ATP9A: variants seen among roughly 807,000 people sequenced by gnomAD.
ATP9A encodes the protein ATPase phospholipid transporting 9A, also known as probable phospholipid-transporting ATPase IIA.
Under a neutral mutation model 144.1 loss-of-function variants are expected in ATP9A, and 52 were observed. That is an observed-to-expected ratio of 0.36 (90% CI 0.29 to 0.45). The LOEUF is 0.45. Among genes scored for constraint, ATP9A ranks in the 20% least tolerant of loss-of-function variants. ATP9A has a pLI of 1.00. For synonymous variants in ATP9A, 582 were observed against 557.4 expected (o/e 1.04, Z -0.62); for missense variants, 947 against 1,392.7 (o/e 0.68, Z 5.09).
chr20:51,727,790 A>T (rs2077721686), intron 2 of ATP9A, among the ~76,000 whole-genome samples: 1 of 151,432 alleles, frequency 6.6e-6, no homozygotes, highest in Non-Finnish European at 1.5e-5. Context: ...AAGTAGCCGG[A>T]CATGGGAGCA....
intron 3 of ATP9A, among the ~76,000 whole-genome samples, chr20:51,723,230 T>C (rs1353117059): frequency 6.6e-6 from 1 of 151,926 alleles, no homozygotes; most frequent in Non-Finnish European, 1.5e-5. Flanking sequence ...AATGATGCAA[T>C]GGACTTTGGG....
intron 9 of ATP9A, among the ~76,000 whole-genome samples, chr20:51,678,684 C>A (rs977161025): frequency 6.6e-6 from 1 of 152,194 alleles, no homozygotes; most frequent in African/African-American, 2.4e-5. Context: ...ACCACACGAC[C>A]GCTGCATCCA....
intron 18 of ATP9A, 75 bp downstream of exon 18, chr20:51,625,115 CCT>C (rs1197124228): frequency 3.5e-5 from 51 of 1,444,368 alleles, no homozygotes; most frequent in Non-Finnish European, 4.4e-5. Context: ...ACCCTTTCCC[CCT>C]GTGATCTCCC....
chr20:51,659,769 T>C (rs754898539), intron 13 of ATP9A, among the ~76,000 whole-genome samples: 3 of 152,238 alleles, frequency 2.0e-5, no homozygotes, highest in Admixed American at 6.5e-5. Context: ...ACTTAATTTT[T>C]TAATACTATT....
chr20:51,754,593 C>T (rs2077847875), intron 1 of ATP9A, among the ~76,000 whole-genome samples: 1 of 151,570 alleles, frequency 6.6e-6, no homozygotes, highest in Admixed American at 6.6e-5. Context: ...GTGGACAAAT[C>T]ACCTGAGGTC....
intron 4 of ATP9A, among the ~76,000 whole-genome samples, chr20:51,702,850 A>G (rs2077599965): frequency 6.6e-6 from 1 of 152,228 alleles, no homozygotes; most frequent in Non-Finnish European, 1.5e-5. Context: ...GTAACAGCAG[A>G]AAGAAAAAAT....
chr20:51,671,077 C>A (rs2077453607), intron 12 of ATP9A, 38 bp downstream of exon 12: 1 of 1,601,284 alleles, frequency 6.2e-7, no homozygotes, highest in Non-Finnish European at 8.6e-7. Context: ...CATCTTCTCT[C>A]ACCAGGAATC....
At chr20:51,601,780 C>A (rs923107219) in intron 27 of ATP9A, among the ~76,000 whole-genome samples, 4 of 152,222 alleles carry the variant, frequency 2.6e-5, no homozygotes, top group African/African-American at 9.6e-5. Context: ...GTGGTACATG[C>A]CTATAGTCCC....
At chr20:51,691,067 C>A (rs1234774690) in intron 7 of ATP9A, among the ~76,000 whole-genome samples, 1 of 152,190 alleles carries the variant, frequency 6.6e-6, no homozygotes, top group African/African-American at 2.4e-5. Flanking sequence ...TTACTCAGCC[C>A]TTTCCAGACT....
intron 9 of ATP9A, among the ~76,000 whole-genome samples, chr20:51,680,466 G>A (rs2077495586): frequency 6.6e-6 from 1 of 152,066 alleles, no homozygotes; most frequent in Non-Finnish European, 1.5e-5. Flanking sequence ...TCTCTGCCAA[G>A]CTCCTGGTCC....
In ATP9A at chr20:51,725,860, C is replaced by A; in HGVS notation, c.286G>T (p.Glu96Ter). The A allele has an allele frequency of 2.5e-6, 4 of 1,613,502 alleles. No homozygotes were observed. Among genetic ancestry groups the A allele is most frequent in the Non-Finnish European group, 3.4e-6 (4 of 1,179,492 alleles). The change falls in exon 3 of 28, where the codon GAA becomes TAA. Residue 96 changes from glutamate to a stop codon, truncating the protein, a stop_gained. Transcript: ENST00000338821. LOFTEE classifies it high-confidence loss of function. ...GTATAGAGTGCACCAAGTCTCATTT[C>A]GGGAACAAACTGAGAGCAGGCAAGA... ...LLLACSQFVP[E>*]MRLGALYTYW...
rs375879620 is a variant in ATP9A at position 51,601,362 on chromosome 20, G to A, written c.3008-15C>T. 268 of 1,600,374 alleles carry A rather than the reference G, an allele frequency of 1.7e-4. No individual in the cohort carries two copies. The highest frequency in any genetic ancestry group is 2.2e-4 in the Non-Finnish European group (261 of 1,173,138). ...GAAGTACACATCTGCAAGGAAAGGGGAAGACGGCAGTGAGCAGGCAGGAAT... is the reference window on the plus strand; with the variant it reads ...GAAGTACACATCTGCAAGGAAAGGGAAAGACGGCAGTGAGCAGGCAGGAAT... On this transcript the variant is annotated splice_polypyrimidine_tract_variant and intron_variant, in intron 27 of 27. Coordinates refer to ENST00000338821, the MANE Select transcript of ATP9A (RefSeq NM_006045.3).
chr20:51,622,840 TC>T (rs2077232331), intron 18 of ATP9A, among the ~76,000 whole-genome samples: 1 of 152,142 alleles, frequency 6.6e-6, no homozygotes, highest in Non-Finnish European at 1.5e-5. Context: ...CCTTTTGTTC[TC>T]TTTGCTCCCA....
At chr20:51,657,229 ATTG>A in intron 13 of ATP9A, 79 bp from the exon 14 acceptor site, 10 of 1,234,992 alleles carry the variant, frequency 8.1e-6, no homozygotes, top group Middle Eastern at 1.9e-4. Flanking sequence ...CCGTGCAGCT[ATTG>A]TTTCTTTTTT....
At chr20:51,756,440 G>A (rs915844032) in intron 1 of ATP9A, among the ~76,000 whole-genome samples, 3 of 151,900 alleles carry the variant, frequency 2.0e-5, no homozygotes, top group East Asian at 3.9e-4. Flanking sequence ...ACAGGTGCAC[G>A]CCACCACACC....
intron 4 of ATP9A, among the ~76,000 whole-genome samples, chr20:51,712,276 A>T (rs533682760): frequency 6.6e-6 from 1 of 151,994 alleles, no homozygotes; most frequent in South Asian, 2.1e-4. Context: ...GGGTTTCACC[A>T]TGTTAGCCAG....
At chr20:51,655,682 G>A (rs914990003) in intron 14 of ATP9A, among the ~76,000 whole-genome samples, 2 of 152,090 alleles carry the variant, frequency 1.3e-5, no homozygotes, top group Non-Finnish European at 2.9e-5. Flanking sequence ...GTTGCTGGTA[G>A]ATACGTAAAA....
intron 17 of ATP9A, among the ~76,000 whole-genome samples, chr20:51,626,130 T>A (rs940697463): frequency 1.3e-5 from 2 of 152,094 alleles, no homozygotes; most frequent in African/African-American, 4.8e-5. Flanking sequence ...ACACACAATC[T>A]ATGGGATGGG....
chr20:51,647,029 G>GA (rs1568801534), intron 14 of ATP9A, among the ~76,000 whole-genome samples: 1 of 151,748 alleles, frequency 6.6e-6, no homozygotes, highest in African/African-American at 2.4e-5. Flanking sequence ...TGAGGCAGCG[G>GA]AATTGCTTGA....
Sources: gnomAD v4.1 joint callset for allele counts (sites outside exome capture counted in the v4.1 genomes callset) on GRCh38, gnomAD v4.1.1 for gene constraint, MANE v1.5 for transcripts, NCBI Gene and HGNC (gene_info 2026-07-23, HGNC 2026-07-21) for gene names.